The following NUF2 variants were observed in gnomAD, a reference collection of about 807,000 sequenced individuals.
NUF2 encodes kinetochore protein Nuf2.
NUF2 carries 34 observed loss-of-function variants against 61.8 expected under a neutral mutation model. The observed-to-expected ratio is 0.55, with a 90% CI of 0.42 to 0.73. The LOEUF is 0.73. Ranked by LOEUF, NUF2 falls within the 30% of genes least tolerant of loss-of-function variation. The probability of loss-of-function intolerance (pLI) is 0.00; values close to 1 mark genes in which losing one functional copy is unlikely to be tolerated. For synonymous variants in NUF2, 172 were observed against 181.6 expected, an observed-to-expected ratio of 0.95 and a Z score of 0.42; for missense variants, 445 against 539.1, an observed-to-expected ratio of 0.83 and a Z score of 1.73.
At chr1:163,326,287 C>A in intron 2 of NUF2, 113 bp downstream of exon 2, 1 of 874,674 alleles carries the variant, frequency 1.1e-6, no homozygotes, top group Non-Finnish European at 1.7e-6. Flanking sequence ...GGAGACCAGT[C>A]ATTTTCATTG....
intron 2 of NUF2, among the ~76,000 whole-genome samples, chr1:163,326,555 C>T (rs989671527): frequency 6.6e-6 from 1 of 152,040 alleles, no homozygotes; most frequent in Non-Finnish European, 1.5e-5. Context: ...TAGAAATAAT[C>T]CTCTTTGGAA....
intron 9 of NUF2, 89 bp downstream of exon 9, chr1:163,340,515 G>A (rs184136217): frequency 1.7e-5 from 14 of 835,326 alleles, no homozygotes; most frequent in African/African-American, 1.2e-4. Context: ...ATGGGCAAAT[G>A]TTTCTCCCTT....
intron 5 of NUF2, among the ~76,000 whole-genome samples, chr1:163,334,904 T>C (rs768250618): frequency 3.9e-5 from 6 of 152,208 alleles, no homozygotes; most frequent in Non-Finnish European, 8.8e-5. Flanking sequence ...TGCACAGATA[T>C]GGAGGGCTGA....
intron 4 of NUF2, 23 bp from the exon 5 acceptor site, chr1:163,328,823 T>C (rs1650508256): frequency 6.6e-7 from 1 of 1,505,844 alleles, no homozygotes; most frequent in Non-Finnish European, 9.2e-7. Context: ...TTTTCAATAG[T>C]CTTTTTGTAC....
chr1:163,334,258 A>C (rs181084754), intron 5 of NUF2, among the ~76,000 whole-genome samples: 1 of 152,318 alleles, frequency 6.6e-6, no homozygotes, highest in East Asian at 1.9e-4. Flanking sequence ...GCTATTGTGA[A>C]TAGTGCTACA....
chr1:163,348,993 A>G lies in NUF2; in HGVS notation c.1173A>G (p.Val391=). The G allele has an allele frequency of 6.2e-7, 1 of 1,611,164 alleles. No homozygotes were observed. The highest frequency in any genetic ancestry group is 8.5e-7 in the Non-Finnish European group (1 of 1,179,170). The change falls in exon 13 of 14, where the codon GTA becomes GTG. Residue 391 remains valine (V), a synonymous_variant. Transcript: ENST00000271452. ...AAAGAGGTGCTGTCTATGAACGAGT[A>G]ACCACAATTAATCAAGAAATCCAAA... ...QEKRGAVYER[V]TTINQEIQKI...
At chr1:163,322,910 A>G (rs1411982511) in intron 1 of NUF2, 1 of 152,234 alleles carries the variant, frequency 6.6e-6, no homozygotes, top group Non-Finnish European at 1.5e-5. Context: ...TCTCTCGTTA[A>G]TGAATAAATT....
At chr1:163,343,940 G>A (rs899368106) in intron 10 of NUF2, 70 bp downstream of exon 10, 1 of 1,027,952 alleles carries the variant, frequency 9.7e-7, no homozygotes, top group Non-Finnish European at 1.3e-6. Context: ...GTTTAATTAT[G>A]TGTTAATTTT....
chr1:163,347,680 G>T, intron 11 of NUF2, 83 bp from the exon 12 acceptor site: 1 of 975,378 alleles, frequency 1.0e-6, no homozygotes, highest in Admixed American at 3.0e-5. Flanking sequence ...TTTAATTATA[G>T]TTCATCCTAG....
chr1:163,322,878 A>G (rs564590163), intron 1 of NUF2: 1 of 152,318 alleles, frequency 6.6e-6, no homozygotes, highest in African/African-American at 2.4e-5. Context: ...AGCTCAAACT[A>G]TGTAGTTGGA....
intron 5 of NUF2, among the ~76,000 whole-genome samples, chr1:163,332,396 A>T (rs796250168): frequency 2.4e-4 from 37 of 152,282 alleles, no homozygotes; most frequent in African/African-American, 8.9e-4. Flanking sequence ...ATGGCCCAGA[A>T]TATGGTCTAT....
chr1:163,339,790 C>T (rs1367727404), intron 8 of NUF2, among the ~76,000 whole-genome samples: 2 of 152,092 alleles, frequency 1.3e-5, no homozygotes, highest in Admixed American at 1.3e-4. Context: ...TCAAGAATGC[C>T]TCAAAATATC....
At chr1:163,353,479 T>A (rs1439772938) in intron 13 of NUF2, among the ~76,000 whole-genome samples, 1 of 152,206 alleles carries the variant, frequency 6.6e-6, no homozygotes, top group Non-Finnish European at 1.5e-5. Context: ...GTGTGGCTGG[T>A]GCAACTGAGG....
At chr1:163,348,835 AG>A in intron 12 of NUF2, 109 bp from the exon 13 acceptor site, 1 of 1,168,544 alleles carries the variant, frequency 8.6e-7, no homozygotes, top group Non-Finnish European at 1.2e-6. Context: ...GAAGAGTTTT[AG>A]GTTTGTCAAA....
intron 5 of NUF2, among the ~76,000 whole-genome samples, chr1:163,329,795 T>A (rs1650538968): frequency 6.6e-6 from 1 of 152,212 alleles, no homozygotes; most frequent in African/African-American, 2.4e-5. Context: ...TTATTCATAA[T>A]TACCAGAATT....
In NUF2 at chr1:163,345,165, G is replaced by A. The variant is rs572277833; in HGVS notation, c.808-513G>A. On this transcript the variant is annotated intron_variant, in intron 10 of 13. Transcript: ENST00000271452. ...TTAGTAAGAAAAAGAAAAAAATAAG[G>A]TAGAACAAGGGGTAGGCTAGTGAGG... 2.6e-5 allele frequency among the ~76,000 whole-genome samples: 4 copies of A among 152,138 alleles called. No individual in the cohort carries two copies. The South Asian group carries it at 8.3e-4, about 32-fold the overall frequency.
intron 5 of NUF2, among the ~76,000 whole-genome samples, chr1:163,335,253 C>T (rs1650719514): frequency 6.6e-6 from 1 of 152,158 alleles, no homozygotes; most frequent in Non-Finnish European, 1.5e-5. Flanking sequence ...CACCCAGCCA[C>T]TATGCCAGGT....
chr1:163,334,300 A>G (rs1011027781), intron 5 of NUF2, among the ~76,000 whole-genome samples: 5 of 152,208 alleles, frequency 3.3e-5, no homozygotes, highest in Non-Finnish European at 7.3e-5. Flanking sequence ...TCTTTTTGAT[A>G]TAATGATTTC....
At chr1:163,324,900 C>CTTTTT (rs67548511) in intron 1 of NUF2, among the ~76,000 whole-genome samples, 4 of 122,980 alleles carry the variant, frequency 3.3e-5, no homozygotes, top group Non-Finnish European at 6.9e-5. Flanking sequence ...TCTTTTCTTT[C>CTTTTT]TTTTTTTTTT....
Sources: allele counts gnomAD v4.1 joint callset (sites outside exome capture counted in the v4.1 genomes callset), GRCh38; gene constraint gnomAD v4.1.1; transcripts MANE v1.5; gene names NCBI Gene and HGNC (gene_info 2026-07-23, HGNC 2026-07-21).